ZSCAN5A: variants seen among roughly 807,000 people sequenced by gnomAD.
The protein encoded by ZSCAN5A is zinc finger and SCAN domain containing 5A, also known as zinc finger and SCAN domain-containing protein 5A.
Under a neutral mutation model 23.7 loss-of-function variants are expected in ZSCAN5A, and 12 were observed. The ratio of observed to expected loss-of-function variants is 0.51; its 90% CI spans 0.32 to 0.82. The LOEUF (loss-of-function observed/expected upper bound fraction) is 0.82. Ranked by LOEUF, ZSCAN5A falls within the 40% of genes least tolerant of loss-of-function variation. The pLI, the probability that ZSCAN5A is intolerant of heterozygous loss-of-function variation, is 0.03. For synonymous variants in ZSCAN5A, 257 were observed against 239.9 expected (o/e 1.07, Z -0.66); for missense variants, 597 against 617.9 (o/e 0.97, Z 0.36).
chr19:56,342,829 C>G (rs961472422), intron 2 of ZSCAN5A: 5 of 824,158 alleles, frequency 6.1e-6, no homozygotes, highest in African/African-American at 1.7e-5. Flanking sequence ...CCTAAGACAT[C>G]TTCCTCTCAA....
chr19:56,243,221 T>A (rs375952039), intron 2 of ZSCAN5A, among the ~76,000 whole-genome samples: 1 of 31,224 alleles, frequency 3.2e-5, no homozygotes, highest in African/African-American at 1.1e-4. Flanking sequence ...CTGGGGTGGG[T>A]GGGCAGAGGG....
At chr19:56,315,765 TCA>T (rs2041298482), upstream of ZSCAN5A, 2 of 152,320 alleles carry the variant, frequency 1.3e-5, no homozygotes, top group South Asian at 4.1e-4. Context: ...ACTCTGTGTC[TCA>T]GTTTCCGCAT....
intron 2 of ZSCAN5A, among the ~76,000 whole-genome samples, chr19:56,231,657 CTTAA>C (rs1249797120): frequency 5.3e-5 from 8 of 152,336 alleles, no homozygotes; most frequent in Non-Finnish European, 1.0e-4. Context: ...AATCCTATAC[CTTAA>C]TTAATGTGTT....
In ZSCAN5A at chr19:56,270,411, C is replaced by T. The variant is rs2037765880; in HGVS notation, c.-128+42872G>A. Among the ~76,000 whole-genome samples the T allele has an allele frequency of 2.0e-5, 3 of 151,830 alleles. No individual in the cohort carries two copies. The South Asian group carries it at 6.2e-4, about 31-fold the overall frequency. ...TCCAGCCTGGGCGACAGGGTGAGAC[C>T]CCGTCTCAATAAATAAATAAATAAA... On this transcript the variant is annotated intron_variant, in intron 2 of 5. Transcript: ENST00000683990.
intron 2 of ZSCAN5A, among the ~76,000 whole-genome samples, chr19:56,225,692 T>C (rs1352900284): frequency 7.9e-5 from 12 of 152,250 alleles, no homozygotes; most frequent in Middle Eastern, 3.2e-3. Context: ...GTTATTTTGG[T>C]AAAATGTACA....
chr19:56,223,514 T>C (rs1313159446), intron 4 of ZSCAN5A, 117 bp downstream of exon 4: 5 of 1,058,408 alleles, frequency 4.7e-6, no homozygotes, highest in African/African-American at 1.6e-5. Flanking sequence ...ATCATGTCCA[T>C]GGGGAATGGC....
In ZSCAN5A at chr19:56,339,911, G is replaced by T. The variant is rs192739034; in HGVS notation, c.-358+23324C>A. Among the ~76,000 whole-genome samples the T allele has an allele frequency of 3.3e-4, 50 of 152,350 alleles. 1 individual carries two copies. In the East Asian group the frequency reaches 8.5e-3, roughly 26 times the overall value. On this transcript the variant is annotated intron_variant, in intron 2 of 6. Coordinates refer to the ZSCAN5A transcript ENST00000587340. ...ATATTTAGCCTGTGGGCCAAGATTT[G>T]CCTGCCCTTGCTCTAGATGACTTAG...
At chr19:56,233,268 T>C (rs1473819287) in intron 2 of ZSCAN5A, among the ~76,000 whole-genome samples, 4 of 152,250 alleles carry the variant, frequency 2.6e-5, no homozygotes, top group African/African-American at 9.6e-5. Context: ...TGCTTGTTTC[T>C]ATTTAGCTTC....
chr19:56,282,606 A>G (rs1261367708), intron 2 of ZSCAN5A: 5 of 637,336 alleles, frequency 7.8e-6, no homozygotes, highest in Non-Finnish European at 9.8e-6. Context: ...GTCTGTTCAC[A>G]GCTTAGCTTC....
intron 2 of ZSCAN5A, among the ~76,000 whole-genome samples, chr19:56,245,924 C>G (rs1209942872): frequency 6.6e-6 from 1 of 152,052 alleles, no homozygotes; most frequent in Non-Finnish European, 1.5e-5. Context: ...GGTCTCTGCT[C>G]TGCACAGGAG....
intron 2 of ZSCAN5A, among the ~76,000 whole-genome samples, chr19:56,310,924 G>C (rs1230914181): frequency 5.9e-5 from 9 of 152,212 alleles, no homozygotes; most frequent in Non-Finnish European, 1.0e-4. Flanking sequence ...GTAAAATGGG[G>C]ATAGTAACAG....
intron 2 of ZSCAN5A, among the ~76,000 whole-genome samples, chr19:56,300,951 C>A (rs1200963771): frequency 6.6e-6 from 1 of 152,134 alleles, no homozygotes; most frequent in African/African-American, 2.4e-5. Context: ...AAAGATCCTG[C>A]TGGCACTCAT....
intron 2 of ZSCAN5A, chr19:56,244,129 A>G: frequency 6.3e-7 from 1 of 1,587,576 alleles, no homozygotes; most frequent in Non-Finnish European, 8.6e-7. Flanking sequence ...TGGCTTCCCC[A>G]GAAACTCAAC....
Position 56,241,268 on chromosome 19 carries a change from CTT to C in ZSCAN5A, c.-127-16097_-127-16096del, listed in dbSNP as rs569795533. Among the ~76,000 whole-genome samples the C allele has an allele frequency of 1.4e-3, 214 of 152,124 alleles. No individual in the cohort carries two copies. The Middle Eastern group carries it at 0.017, about 12-fold the overall frequency. ...GGTGATTTCTAGGAACATGAAACCA[CTT>C]TTTTAAGAGACAGGATCTCACTATG... On this transcript the variant is annotated intron_variant, in intron 2 of 5. Transcript: ENST00000683990.
chr19:56,222,562 C>T lies in ZSCAN5A; in HGVS notation c.739+29G>A, dbSNP rs764353072. ...CCGCACCCCAGAAGAGAGGGACTAA[C>T]CCCTGTGGATCCAAGTCTTCATACT... On this transcript the variant is annotated intron_variant, in intron 5 of 5. Coordinates refer to ENST00000683990, the MANE Select transcript of ZSCAN5A (RefSeq NM_001322064.3). The T allele has an allele frequency of 5.0e-6, 8 of 1,612,166 alleles. No homozygotes were observed. The East Asian group carries it at 1.3e-4, about 27-fold the overall frequency.
Position 56,221,751 on chromosome 19 carries a change from G to C in ZSCAN5A, c.1315C>G (p.Pro439Ala). The change falls in exon 6 of 6, where the codon CCC becomes GCC. Residue 439 changes from proline to alanine, a missense_variant. Pro to Ala is a conservative substitution (Grantham distance 27). Around this residue, in one of 5 missense-constraint regions of ZSCAN5A, gnomAD observed 87 missense variants for 74.4 expected, o/e 1.17. Coordinates refer to ENST00000683990, the MANE Select transcript of ZSCAN5A (RefSeq NM_001322064.3). ...TTCTTGCAGTCTTTACATTCGAAGG[G>C]CTTCTCCCCTGTGTGGCTTCTCTTG... ...CHKRSHTGEK[P>A]FECKDCKKVF... The C allele has an allele frequency of 6.2e-7, 1 of 1,614,156 alleles. No homozygotes were observed. Among genetic ancestry groups the C allele is most frequent in the Non-Finnish European group, 8.5e-7 (1 of 1,180,042 alleles).
At chr19:56,338,165 T>G (rs1056838848) in intron 2 of ZSCAN5A, 4 of 152,016 alleles carry the variant, frequency 2.6e-5, no homozygotes, top group African/African-American at 4.8e-5. Context: ...ATTTTTTTTT[T>G]GAAACAAGTT....
chr19:56,263,743 G>A (rs964981649), intron 2 of ZSCAN5A: 4 of 152,082 alleles, frequency 2.6e-5, no homozygotes, highest in African/African-American at 9.7e-5. Flanking sequence ...AAGGAATTGC[G>A]AAAATCACCA....
At chr19:56,249,241 G>T (rs557896438) in intron 2 of ZSCAN5A, among the ~76,000 whole-genome samples, 1 of 152,154 alleles carries the variant, frequency 6.6e-6, no homozygotes, top group African/African-American at 2.4e-5. Flanking sequence ...TAGATCAGGG[G>T]TGTGGCCTTA....
Sources: gnomAD v4.1 joint callset for allele counts (sites outside exome capture counted in the v4.1 genomes callset) on GRCh38, gnomAD v4.1.1 for gene constraint, gnomAD v4.1.1 regional missense constraint, MANE v1.5 for transcripts, NCBI Gene and HGNC (gene_info 2026-07-23, HGNC 2026-07-21) for gene names.